PHF10: variants seen among roughly 807,000 people sequenced by gnomAD.
The protein encoded by PHF10 is BRG1-associated factor 45a.
A neutral mutation model predicts 68.5 loss-of-function variants in PHF10; 51 were observed. That is an observed-to-expected ratio of 0.74 (90% CI 0.59 to 0.94). PHF10 has a LOEUF of 0.94. Ranked by LOEUF, PHF10 falls within the 40% of genes least tolerant of loss-of-function variation. The pLI, the probability that PHF10 is intolerant of heterozygous loss-of-function variation, is 0.00. For missense variants in PHF10, 460 were observed against 602.6 expected, an observed-to-expected ratio of 0.76 and a Z score of 2.48; for synonymous variants, 204 against 203.5, an observed-to-expected ratio of 1.00 and a Z score of -0.02.
At chr6:169,721,261 A>G (rs1789171137) in intron 1 of PHF10, 150 bp from the exon 2 acceptor site, 1 of 525,320 alleles carries the variant, frequency 1.9e-6, no homozygotes, top group Admixed American at 3.3e-5. Flanking sequence ...TGGCATGAGC[A>G]AGACCTGGAA....
intron 2 of PHF10, among the ~76,000 whole-genome samples, chr6:169,719,951 T>C (rs1054710397): frequency 2.0e-4 from 30 of 150,808 alleles, no homozygotes; most frequent in Non-Finnish European, 1.2e-4. Flanking sequence ...ATATATAAAA[T>C]ATATTTAAAA....
chr6:169,706,259 T>C (rs915584431), intron 9 of PHF10, among the ~76,000 whole-genome samples: 2 of 152,228 alleles, frequency 1.3e-5, no homozygotes, highest in African/African-American at 4.8e-5. Context: ...AATTGAAAGA[T>C]GTCTCATGCA....
chr6:169,715,412 A>C (rs368553598), intron 6 of PHF10, among the ~76,000 whole-genome samples: 1 of 152,122 alleles, frequency 6.6e-6, no homozygotes, highest in African/African-American at 2.4e-5. Flanking sequence ...CTAAAAATAC[A>C]AAAAATTAGC....
chr6:169,721,189 T>C (rs1011368031), intron 1 of PHF10, 78 bp from the exon 2 acceptor site: 42 of 814,730 alleles, frequency 5.2e-5, no homozygotes, highest in Admixed American at 4.2e-4. Flanking sequence ...TGAAAGACTG[T>C]CTAAGGACAA....
chr6:169,710,344 G>C lies in PHF10; in HGVS notation c.1005C>G (p.Ser335Arg). The stretch of plus-strand genomic sequence containing the variant: ...GTCTTCCCTGGAAAGAGTCCTCCTG[G>C]CTGTCAGGAGGGCTTTCCCCTTCAG... ...NVSEGESPPDSQEDSFQGRQK... is the reference protein window; with the variant it reads ...NVSEGESPPDRQEDSFQGRQK... The change falls in exon 9 of 12, where the codon AGC becomes AGG. Residue 335 changes from serine (S) to arginine (R), a missense_variant. Transcript: ENST00000339209. The C allele has an allele frequency of 1.2e-6, 2 of 1,608,004 alleles. No homozygotes were observed. The highest frequency in any genetic ancestry group is 4.5e-5 in the East Asian group (2 of 44,834).
chr6:169,715,031 G>A (rs1485118641), intron 6 of PHF10, among the ~76,000 whole-genome samples, 189 bp from the exon 7 acceptor site: 2 of 152,096 alleles, frequency 1.3e-5, no homozygotes, highest in African/African-American at 4.8e-5. Context: ...TGTTTTAAAG[G>A]CCTATTCTCC....
chr6:169,723,565 T>C (rs1037073934), intron 1 of PHF10, among the ~76,000 whole-genome samples: 2 of 151,972 alleles, frequency 1.3e-5, no homozygotes, highest in Admixed American at 1.3e-4. Flanking sequence ...ACGGCTGGCC[T>C]AGGAGGAGGC....
Position 169,718,724 on chromosome 6 carries a change from A to G in PHF10, c.325+64T>C, listed in dbSNP as rs1411896045. 7 of 950,270 alleles carry G rather than the reference A, an allele frequency of 7.4e-6. No individual in the cohort carries two copies. The Admixed American group carries it at 9.0e-5, about 12-fold the overall frequency. The allele number at this position is 950,270 out of a possible 1,614,324, so 58.9% of individuals were successfully genotyped here. ...AATATAATCTACAGAAAAATTCAGA[A>G]GTTGACAGTGTATCATAAAGAATTA... On this transcript the variant is annotated intron_variant, in intron 3 of 11. Transcript: ENST00000339209.
Position 169,710,250 on chromosome 6 carries a change from C to G in PHF10, c.1099G>C (p.Val367Leu). 1 of 1,607,966 alleles carries G rather than the reference C, an allele frequency of 6.2e-7. No individual in the cohort carries two copies. ...GPKRSVLSKS[V>L]PGYKPKVIPN... ...TTTTCTTCTACCTTGTACCCAGGAA[C>G]TGACTTGGACAGTACAGAACGTTTG... Residue 367 changes from valine (V) to leucine (L), a missense_variant, in exon 9 of 12, where the codon GTT (valine) becomes CTT (leucine). By Grantham distance (32) the Val-to-Leu change is conservative. Coordinates refer to ENST00000339209, the MANE Select transcript of PHF10 (RefSeq NM_018288.4).
Position 169,718,915 on chromosome 6 carries a change from A to C in PHF10, c.198T>G (p.Phe66Leu). The C allele has an allele frequency of 6.4e-7, 1 of 1,569,940 alleles. No homozygotes were observed. The highest frequency in any genetic ancestry group is 8.8e-7 in the Non-Finnish European group (1 of 1,141,732). ...SCETSSQDLG[F>L]SYYPAENLIE... is the part of the protein sequence containing the mutation. ...TCAAGTTTTCTGCTGGATAGTAACT[A>C]AAACTAAGTACAGAAATACATATTA... Residue 66 changes from phenylalanine to leucine, a missense_variant, in exon 3 of 12, where the codon TTT becomes TTG. Phe to Leu is a conservative substitution (Grantham distance 22). This residue lies in a region of PHF10 where 93 missense variants were observed against 82.4 expected (regional missense o/e 1.13). Transcript: ENST00000339209.
chr6:169,710,543 C>T lies in PHF10; in HGVS notation c.958-152G>A, dbSNP rs541608244. The T allele has an allele frequency of 6.5e-5, 42 of 648,196 alleles. 1 individual carries two copies. Among genetic ancestry groups the T allele is most frequent in the African/African-American group, 5.9e-4 (32 of 54,132 alleles). 40.2% of individuals were successfully genotyped at this position (648,196 alleles called of 1,614,324 possible). On this transcript the variant is annotated intron_variant, in intron 8 of 11. Coordinates refer to ENST00000339209, the MANE Select transcript of PHF10 (RefSeq NM_018288.4). ...ATTCTAAATGTAAGAAAGCTTTTTC[C>T]AGTGGAGACTAAAGTAAGTTATGTT...
In PHF10 at chr6:169,719,176, G is replaced by A. The variant is rs74528745; in HGVS notation, c.195-258C>T. Reference sequence around the variant, plus strand: ...ACGTAGAATCACAATTGCTAAGAACGAAGGCATTTTTAGTTTAAAGGACCT... The same window carrying A: ...ACGTAGAATCACAATTGCTAAGAACAAAGGCATTTTTAGTTTAAAGGACCT... On this transcript the variant is annotated intron_variant, in intron 2 of 11. Transcript: ENST00000339209. 1.3e-3 allele frequency: 381 copies of A among 283,020 alleles called. 2 individuals carry two copies. The highest frequency in any genetic ancestry group is 7.9e-3 in the African/African-American group (352 of 44,756). The allele number at this position is 283,020 out of a possible 1,614,324, so 17.5% of individuals were successfully genotyped here.
intron 6 of PHF10, among the ~76,000 whole-genome samples, chr6:169,715,375 G>A (rs1159640224): frequency 1.3e-5 from 2 of 152,132 alleles, no homozygotes; most frequent in African/African-American, 4.8e-5. Flanking sequence ...GTGTCAGCAT[G>A]GCCAACATGG....
intron 4 of PHF10, among the ~76,000 whole-genome samples, chr6:169,717,402 G>T (rs1000975715): frequency 6.6e-6 from 1 of 152,184 alleles, no homozygotes; most frequent in Non-Finnish European, 1.5e-5. Context: ...AAACATCTTT[G>T]CTTACCCTAG....
chr6:169,723,845 C>T lies in PHF10; in HGVS notation c.87G>A (p.Lys29=), dbSNP rs1287707678. The T allele has an allele frequency of 1.3e-5, 14 of 1,068,248 alleles. No homozygotes were observed. The highest frequency in any genetic ancestry group is 1.5e-5 in the Non-Finnish European group (13 of 867,918). The allele number at this position is 1,068,248 out of a possible 1,614,324, so 66.2% of individuals were successfully genotyped here. Residue 29 remains lysine, a splice_region_variant and synonymous_variant, in exon 1 of 12, where the codon AAG becomes AAA. Transcript: ENST00000339209. ...DPATPGAQSP[K]DDNEDNSNDG... is the part of the protein sequence containing the mutation. ...CGGGTCGCACCGGCCGCTTCCTCAC[C>T]TTCGGGGACTGCGCTCCGGGGGTGG...
chr6:169,714,787 A>T lies in PHF10; in HGVS notation c.749T>A (p.Val250Asp), dbSNP rs781726674. 39 of 1,607,508 alleles carry T rather than the reference A, an allele frequency of 2.4e-5. No individual in the cohort carries two copies. The highest frequency in any genetic ancestry group is 3.2e-5 in the Non-Finnish European group (37 of 1,174,164). The change falls in exon 7 of 12, where the codon GTC (valine) becomes GAC (aspartate). Residue 250 changes from valine to aspartate, a missense_variant. This residue lies in a region of PHF10 where 256 missense variants were observed against 410.5 expected (regional missense o/e 0.62). Coordinates refer to ENST00000339209, the MANE Select transcript of PHF10 (RefSeq NM_018288.4). ...YKVLPTERTKVSSYPVALIPG... is the reference protein window; with the variant it reads ...YKVLPTERTKDSSYPVALIPG... ...GATGAGAGCCACTGGGTAAGAACTG[A>T]CCTTTGTTCGCTCTGTTGGCAAAAC...
At chr6:169,707,892 C>T (rs1788841192) in intron 9 of PHF10, 1 of 152,098 alleles carries the variant, frequency 6.6e-6, no homozygotes, top group Non-Finnish European at 1.5e-5. Flanking sequence ...TGCTGCAGCT[C>T]GATATACAAA....
At chr6:169,711,613 T>C (rs1464232316) in intron 8 of PHF10, among the ~76,000 whole-genome samples, 1 of 152,336 alleles carries the variant, frequency 6.6e-6, no homozygotes, top group East Asian at 1.9e-4. Context: ...GCTCCCCTTT[T>C]AGCAACATGA....
intron 9 of PHF10, chr6:169,707,896 AT>A (rs893620577): frequency 1.3e-5 from 2 of 152,204 alleles, no homozygotes; most frequent in African/African-American, 2.4e-5. Flanking sequence ...GCAGCTCGAT[AT>A]ACAAAGCATC....
Sources: gnomAD v4.1 joint callset for allele counts (sites outside exome capture counted in the v4.1 genomes callset) on GRCh38, gnomAD v4.1.1 for gene constraint, gnomAD v4.1.1 regional missense constraint, MANE v1.5 for transcripts, NCBI Gene and HGNC (gene_info 2026-07-23, HGNC 2026-07-21) for gene names.